Variants in MAPKAP1 observed in about 807,000 individuals in gnomAD.
MAPKAP1 encodes the protein MAPK associated protein 1.
MAPKAP1 carries 20 observed loss-of-function variants against 65.7 expected under a neutral mutation model. The observed-to-expected ratio is 0.30, with a 90% CI of 0.21 to 0.44. The LOEUF is 0.44. Ranked by LOEUF, MAPKAP1 falls within the 20% of genes least tolerant of loss-of-function variation. The pLI is 1.00. For missense variants in MAPKAP1, 423 were observed against 648.0 expected, an observed-to-expected ratio of 0.65 and a Z score of 3.77; for synonymous variants, 222 against 244.3, an observed-to-expected ratio of 0.91 and a Z score of 0.85.
At position 125,675,685 on chromosome 9, in the gene MAPKAP1, C is replaced by T. The variant is rs565150152; in HGVS notation, c.-69-3042G>A. Among the ~76,000 whole-genome samples the T allele has an allele frequency of 3.2e-4, 48 of 152,192 alleles. No individual in the cohort carries two copies. In the South Asian group the frequency reaches 9.5e-3, roughly 30 times the overall value. ...ACTTAAAGACTTAGACTATAAGTTC[C>T]ACAAGGACAGGGTTCATAACACCAT... On this transcript the variant is annotated intron_variant, in intron 1 of 11. Transcript: ENST00000265960.
At chr9:125,484,346 C>T in intron 9 of MAPKAP1, 97 bp downstream of exon 9, 1 of 1,219,134 alleles carries the variant, frequency 8.2e-7, no homozygotes, top group Non-Finnish European at 1.1e-6. Flanking sequence ...TACTTTTAGT[C>T]ATTCAGGTCA....
intron 7 of MAPKAP1, among the ~76,000 whole-genome samples, chr9:125,526,189 T>A (rs1489212394): frequency 6.6e-6 from 1 of 152,216 alleles, no homozygotes; most frequent in Non-Finnish European, 1.5e-5. Context: ...TTTGGGGATG[T>A]CTGCATGCTG....
intron 5 of MAPKAP1, among the ~76,000 whole-genome samples, chr9:125,577,898 C>G (rs1463453169): frequency 6.6e-6 from 1 of 151,374 alleles, no homozygotes; most frequent in East Asian, 2.0e-4. Flanking sequence ...GTGAGGAGCC[C>G]CTCTGCCCGG....
chr9:125,569,295 A>G (rs1203053768), intron 5 of MAPKAP1, among the ~76,000 whole-genome samples: 1 of 152,228 alleles, frequency 6.6e-6, no homozygotes, highest in Non-Finnish European at 1.5e-5. Context: ...CAAGCTCAAA[A>G]TGAACTACTC....
intron 4 of MAPKAP1, among the ~76,000 whole-genome samples, chr9:125,589,097 T>C (rs568057416): frequency 1.9e-4 from 29 of 152,266 alleles, no homozygotes; most frequent in Admixed American, 1.8e-3. Flanking sequence ...TCTCTATGCT[T>C]CTGTTTCCTC....
chr9:125,523,355 A>G (rs774319165), intron 7 of MAPKAP1, among the ~76,000 whole-genome samples: 10 of 152,200 alleles, frequency 6.6e-5, no homozygotes, highest in Non-Finnish European at 1.5e-4. Flanking sequence ...CTAGGTAGAA[A>G]AGAGGAAAAA....
intron 9 of MAPKAP1, among the ~76,000 whole-genome samples, chr9:125,469,634 G>T (rs1252404605): frequency 6.6e-6 from 1 of 152,154 alleles, no homozygotes; most frequent in Non-Finnish European, 1.5e-5. Flanking sequence ...TGGTAAAGAT[G>T]AACCATTGGT....
At chr9:125,703,194 G>T (rs1471113000) in intron 1 of MAPKAP1, among the ~76,000 whole-genome samples, 1 of 152,054 alleles carries the variant, frequency 6.6e-6, no homozygotes, top group Non-Finnish European at 1.5e-5. Flanking sequence ...GTTCATCAAG[G>T]CCCAGCCTAC....
At chr9:125,570,902 C>A (rs147259023) in intron 5 of MAPKAP1, among the ~76,000 whole-genome samples, 7 of 151,356 alleles carry the variant, frequency 4.6e-5, no homozygotes, top group African/African-American at 1.7e-4. Context: ...TTTTTCTTAG[C>A]GCACTCATCT....
intron 7 of MAPKAP1, among the ~76,000 whole-genome samples, chr9:125,526,736 A>G (rs1360763419): frequency 6.6e-6 from 1 of 152,060 alleles, no homozygotes; most frequent in Non-Finnish European, 1.5e-5. Context: ...AAAATTTAAA[A>G]ATTAACTTTA....
chr9:125,673,642 G>A (rs948695085), intron 1 of MAPKAP1, among the ~76,000 whole-genome samples: 4 of 152,028 alleles, frequency 2.6e-5, no homozygotes, highest in African/African-American at 7.2e-5. Context: ...TAATGAGGCC[G>A]GGCACAGTGA....
chr9:125,541,339 A>C (rs947583316), intron 7 of MAPKAP1, among the ~76,000 whole-genome samples: 9 of 152,202 alleles, frequency 5.9e-5, no homozygotes, highest in Non-Finnish European at 1.3e-4. Context: ...AGTTCATAGG[A>C]GTTTCATGGT....
intron 4 of MAPKAP1, among the ~76,000 whole-genome samples, chr9:125,642,100 G>A (rs1383326698): frequency 2.0e-5 from 3 of 151,924 alleles, no homozygotes; most frequent in Non-Finnish European, 4.4e-5. Flanking sequence ...AGCTACTTGG[G>A]AGGCTGAGGT....
intron 8 of MAPKAP1, among the ~76,000 whole-genome samples, chr9:125,485,494 C>T (rs1854472339): frequency 6.6e-6 from 1 of 152,236 alleles, no homozygotes; most frequent in African/African-American, 2.4e-5. Flanking sequence ...CGGGGCAGCC[C>T]ATAATGTGCC....
At chr9:125,692,475 T>C (rs1835199173) in intron 1 of MAPKAP1, among the ~76,000 whole-genome samples, 1 of 152,210 alleles carries the variant, frequency 6.6e-6, no homozygotes, top group South Asian at 2.1e-4. Flanking sequence ...AGTAGATTAA[T>C]GGTTGCCAGC....
rs1023026831 is a variant in MAPKAP1, at chr9:125,439,943, G to A, written c.1444-931C>T. Among the ~76,000 whole-genome samples the A allele has an allele frequency of 6.6e-6, 1 of 152,214 alleles. No individual in the cohort carries two copies. The highest frequency in any genetic ancestry group is 2.4e-5 in the African/African-American group (1 of 41,460). On this transcript the variant is annotated intron_variant, in intron 11 of 11. Transcript: ENST00000265960. This position sits in a 1 kb window ranked among gnomAD's most constrained non-coding sequence, Gnocchi z 4.0. The stretch of plus-strand genomic sequence containing the variant: ...AGGCTTCCAGAGGAAAAGAGTGAGC[G>A]GGCTTTTGAGGGATACACAGGAGTT...
chr9:125,456,239 A>G (rs1279324690), intron 10 of MAPKAP1, among the ~76,000 whole-genome samples: 1 of 152,150 alleles, frequency 6.6e-6, no homozygotes, highest in African/African-American at 2.4e-5. Flanking sequence ...TATATTTATC[A>G]TGCTTAGCTT....
intron 4 of MAPKAP1, among the ~76,000 whole-genome samples, chr9:125,647,967 T>A (rs529379862): frequency 6.6e-6 from 1 of 150,606 alleles, no homozygotes; most frequent in Non-Finnish European, 1.5e-5. Flanking sequence ...GTAAGGAAGT[T>A]AAGGCTAACA....
intron 5 of MAPKAP1, among the ~76,000 whole-genome samples, chr9:125,579,161 T>G (rs1302847950): frequency 1.3e-5 from 2 of 152,208 alleles, no homozygotes; most frequent in Non-Finnish European, 1.5e-5. Flanking sequence ...AGTACCATAT[T>G]CCAATCTTGC....
Sources: allele counts gnomAD v4.1 joint callset (sites outside exome capture counted in the v4.1 genomes callset), GRCh38; gene constraint gnomAD v4.1.1; non-coding constraint Gnocchi (gnomAD v3.1); transcripts MANE v1.5; gene names NCBI Gene and HGNC (gene_info 2026-07-23, HGNC 2026-07-21).